Variants in ASTN2 observed in about 807,000 individuals in gnomAD.
ASTN2 encodes the protein astrotactin 2.
In ASTN2, 54 loss-of-function variants were observed where a neutral mutation model predicts 139.8. The ratio of observed to expected loss-of-function variants is 0.39; its 90% CI spans 0.31 to 0.48. ASTN2 has a LOEUF of 0.48. ASTN2 is among the 20% of genes least tolerant of loss of function. The pLI, the probability that ASTN2 is intolerant of heterozygous loss-of-function variation, is 0.95. For synonymous variants in ASTN2, 756 were observed against 719.5 expected (o/e 1.05, Z -0.81); for missense variants, 1,565 against 1,725.1 (o/e 0.91, Z 1.64).
intron 6 of ASTN2, among the ~76,000 whole-genome samples, chr9:117,024,207 C>T (rs1057499760): frequency 6.6e-6 from 1 of 152,102 alleles, no homozygotes; most frequent in African/African-American, 2.4e-5. Flanking sequence ...TGAGAATTAC[C>T]TTCTCTATCT....
chr9:116,735,885 G>C (rs1828913809), intron 13 of ASTN2, among the ~76,000 whole-genome samples: 1 of 152,184 alleles, frequency 6.6e-6, no homozygotes, highest in Non-Finnish European at 1.5e-5. Context: ...CTGTAAAATG[G>C]GGATCATAAC....
chr9:117,291,055 C>T lies in ASTN2; in HGVS notation c.630+271G>A, dbSNP rs368059419. Among the ~76,000 whole-genome samples the T allele has an allele frequency of 7.9e-5, 12 of 152,356 alleles. No individual in the cohort carries two copies. The East Asian group carries it at 1.5e-3, about 20-fold the overall frequency. On this transcript the variant is annotated intron_variant, in intron 2 of 22. Transcript: ENST00000313400. ...ACATGACAGATGTTAAACAGCTATT[C>T]CCAGAGATGTCAGCCAAAAGGCCGA...
chr9:116,565,388 C>CTCTAT (rs1564120372), intron 19 of ASTN2, among the ~76,000 whole-genome samples: 4 of 34,020 alleles, frequency 1.2e-4, no homozygotes, highest in Non-Finnish European at 1.5e-4. Flanking sequence ...TCTCTCTCTC[C>CTCTAT]ATATATATAT....
At chr9:116,455,097 C>T (rs957883773) in intron 20 of ASTN2, among the ~76,000 whole-genome samples, 3 of 151,522 alleles carry the variant, frequency 2.0e-5, no homozygotes, top group Admixed American at 1.3e-4. Flanking sequence ...GCCCATAATC[C>T]CAGCACTTTG....
intron 19 of ASTN2, among the ~76,000 whole-genome samples, chr9:116,531,949 C>T (rs950795491): frequency 2.6e-5 from 4 of 152,176 alleles, no homozygotes; most frequent in African/African-American, 9.7e-5. Flanking sequence ...ACACTGTCTT[C>T]CACAATGGTT....
intron 21 of ASTN2, among the ~76,000 whole-genome samples, chr9:116,442,076 C>T (rs1305114263): frequency 1.3e-5 from 2 of 152,180 alleles, no homozygotes; most frequent in African/African-American, 4.8e-5. Context: ...GGTGCCATCT[C>T]TTTGCTACTC....
intron 1 of ASTN2, among the ~76,000 whole-genome samples, chr9:117,323,353 G>GTCTACCACC (rs1454670416): frequency 1.2e-5 from 1 of 81,984 alleles, no homozygotes; most frequent in African/African-American, 4.1e-5. Context: ...ACCCCTCAAA[G>GTCTACCACC]ACTACCACCA....
intron 13 of ASTN2, among the ~76,000 whole-genome samples, chr9:116,793,621 C>T (rs921391125): frequency 6.6e-6 from 1 of 152,182 alleles, no homozygotes; most frequent in African/African-American, 2.4e-5. Flanking sequence ...ACAAAAGGAA[C>T]TTAACGGTCC....
intron 3 of ASTN2, among the ~76,000 whole-genome samples, chr9:117,193,092 A>T (rs1476240206): frequency 6.6e-6 from 1 of 152,198 alleles, no homozygotes; most frequent in Non-Finnish European, 1.5e-5. Flanking sequence ...AATGAATATG[A>T]ATGAATGAAC....
intron 3 of ASTN2, among the ~76,000 whole-genome samples, chr9:117,192,862 G>C (rs573394056): frequency 1.3e-5 from 2 of 152,304 alleles, no homozygotes; most frequent in South Asian, 4.1e-4. Context: ...ACAAGGTTCT[G>C]TGTCTCTCAA....
intron 10 of ASTN2, among the ~76,000 whole-genome samples, chr9:116,925,861 A>AACACACAC (rs573361389): frequency 5.5e-5 from 3 of 54,102 alleles, no homozygotes; most frequent in Admixed American, 3.4e-4. Context: ...TACACAACAC[A>AACACACAC]ACACACACAC....
intron 22 of ASTN2, among the ~76,000 whole-genome samples, chr9:116,435,817 A>G (rs1297171701): frequency 1.3e-5 from 2 of 152,208 alleles, no homozygotes; most frequent in African/African-American, 4.8e-5. Context: ...TAACATCACT[A>G]TGAGAGCTTG....
intron 5 of ASTN2, among the ~76,000 whole-genome samples, chr9:117,067,700 T>C (rs1476017476): frequency 8.2e-6 from 1 of 122,080 alleles, no homozygotes; most frequent in Non-Finnish European, 1.8e-5. Context: ...TGGTTTGTAG[T>C]TCTCCTTGAA....
intron 10 of ASTN2, among the ~76,000 whole-genome samples, chr9:116,885,473 C>T (rs939989722): frequency 6.6e-6 from 1 of 152,134 alleles, no homozygotes; most frequent in African/African-American, 2.4e-5. Context: ...GGAGGCCAGC[C>T]TGGCCAACAT....
intron 11 of ASTN2, among the ~76,000 whole-genome samples, chr9:116,863,321 G>T (rs1308651135): frequency 6.6e-6 from 1 of 152,214 alleles, no homozygotes; most frequent in Non-Finnish European, 1.5e-5. Context: ...AAGGTCAGAA[G>T]TTCTCTAAGA....
chr9:116,525,678 T>G (rs1250129861), intron 19 of ASTN2, among the ~76,000 whole-genome samples: 3 of 152,206 alleles, frequency 2.0e-5, no homozygotes, highest in Non-Finnish European at 1.5e-5. Flanking sequence ...TCAATAGCAG[T>G]GGCAGAAGAA....
At chr9:116,909,008 G>C (rs867826276) in intron 10 of ASTN2, among the ~76,000 whole-genome samples, 16 of 152,164 alleles carry the variant, frequency 1.1e-4, no homozygotes, top group Admixed American at 2.0e-4. Flanking sequence ...ATGGTGGTAG[G>C]AACTGGTAAA....
intron 2 of ASTN2, among the ~76,000 whole-genome samples, chr9:117,233,927 G>A (rs1832970366): frequency 6.6e-6 from 1 of 152,146 alleles, no homozygotes; most frequent in African/African-American, 2.4e-5. Context: ...CAAATAAAAT[G>A]CACATTTGAT....
chr9:116,448,852 G>A (rs900298460), intron 20 of ASTN2, among the ~76,000 whole-genome samples: 1 of 152,206 alleles, frequency 6.6e-6, no homozygotes, highest in Non-Finnish European at 1.5e-5. Context: ...GAGAAAATGT[G>A]TAATAGTGTT....
Sources: allele counts gnomAD v4.1 joint callset (sites outside exome capture counted in the v4.1 genomes callset), GRCh38; gene constraint gnomAD v4.1.1; transcripts MANE v1.5; gene names NCBI Gene and HGNC (gene_info 2026-07-23, HGNC 2026-07-21).